The following CTNNA3 variants were observed in gnomAD, a reference collection of about 807,000 sequenced individuals.
CTNNA3 encodes the protein catenin alpha-3.
In CTNNA3, 76 loss-of-function variants were observed where a neutral mutation model predicts 95.7. The ratio of observed to expected loss-of-function variants is 0.79; its 90% CI spans 0.66 to 0.96. The LOEUF (loss-of-function observed/expected upper bound fraction) is 0.96. Among genes scored for constraint, CTNNA3 ranks in the 40% least tolerant of loss-of-function variants. CTNNA3 has a pLI of 0.00. For synonymous variants in CTNNA3, 431 were observed against 374.4 expected, an observed-to-expected ratio of 1.15 and a Z score of -1.74; for missense variants, 1,191 against 1,089.8, an observed-to-expected ratio of 1.09 and a Z score of -1.31.
chr10:65,920,064 A>G lies in CTNNA3; in HGVS notation c.*266T>C, dbSNP rs2077058114. ...TGGTAACGAATAGTAGATAATCTCT[A>G]TGATGGGAAACGCTGAATGACACGT... On this transcript the variant is annotated 3_prime_UTR_variant, in exon 18 of 18. Coordinates refer to ENST00000433211, the MANE Select transcript of CTNNA3 (RefSeq NM_013266.4). The G allele has an allele frequency of 2.1e-6, 1 of 469,062 alleles. No homozygotes were observed. The highest frequency in any genetic ancestry group is 2.6e-5 in the South Asian group (1 of 38,818). The allele number at this position is 469,062 out of a possible 1,614,324, so 29.1% of individuals were successfully genotyped here.
At chr10:66,994,181 A>C (rs1470211257) in intron 7 of CTNNA3, among the ~76,000 whole-genome samples, 1 of 152,178 alleles carries the variant, frequency 6.6e-6, no homozygotes, top group Non-Finnish European at 1.5e-5. Flanking sequence ...AAAACCAGTA[A>C]GTAATGTAAA....
At chr10:65,952,524 TA>T (rs1196719315) in intron 17 of CTNNA3, among the ~76,000 whole-genome samples, 2 of 151,994 alleles carry the variant, frequency 1.3e-5, no homozygotes, top group African/African-American at 4.8e-5. Flanking sequence ...TCTTTCTCTA[TA>T]AATATTCCAG....
At chr10:67,305,691 G>T (rs1395768878) in intron 5 of CTNNA3, among the ~76,000 whole-genome samples, 3 of 152,126 alleles carry the variant, frequency 2.0e-5, no homozygotes, top group Non-Finnish European at 4.4e-5. Flanking sequence ...AAGAAAAAAG[G>T]ATGAACCTGC....
chr10:67,287,041 A>G (rs567591179), intron 5 of CTNNA3, among the ~76,000 whole-genome samples: 1 of 152,166 alleles, frequency 6.6e-6, no homozygotes, highest in South Asian at 2.1e-4. Context: ...TGACTGGAAC[A>G]TGAAAAAACA....
At chr10:66,695,448 A>G (rs1199358618) in intron 9 of CTNNA3, among the ~76,000 whole-genome samples, 3 of 152,178 alleles carry the variant, frequency 2.0e-5, no homozygotes, top group Non-Finnish European at 2.9e-5. Flanking sequence ...TCCCAGGGAA[A>G]ATGAGAGGTT....
chr10:67,381,283 G>A (rs149667097), intron 5 of CTNNA3, among the ~76,000 whole-genome samples: 115 of 152,208 alleles, frequency 7.6e-4, no homozygotes, highest in African/African-American at 2.5e-3. Context: ...CTAAAACCCA[G>A]ACTTTCCTAA....
intron 7 of CTNNA3, among the ~76,000 whole-genome samples, chr10:66,961,477 C>A (rs746347120): frequency 1.1e-4 from 16 of 152,140 alleles, no homozygotes; most frequent in Non-Finnish European, 2.2e-4. Flanking sequence ...GATTTTCTTC[C>A]AACCTCACTG....
intron 13 of CTNNA3, among the ~76,000 whole-genome samples, chr10:66,199,805 A>ATAT (rs1564756586): frequency 7.0e-5 from 1 of 14,288 alleles, no homozygotes; most frequent in African/African-American, 3.9e-4. Context: ...ATATATATAT[A>ATAT]TTTTTTTTTT....
chr10:66,985,948 G>A (rs545254612), intron 7 of CTNNA3, among the ~76,000 whole-genome samples: 7 of 152,102 alleles, frequency 4.6e-5, no homozygotes, highest in Non-Finnish European at 1.0e-4. Context: ...GGATGGTCTC[G>A]ATCTCCTGAC....
At chr10:67,351,360 T>A (rs1842630460) in intron 5 of CTNNA3, among the ~76,000 whole-genome samples, 1 of 132,256 alleles carries the variant, frequency 7.6e-6, no homozygotes, top group Non-Finnish European at 1.7e-5. Context: ...TTACTGTATA[T>A]GAATTAAAAC....
chr10:66,064,058 T>TTATAAGAG (rs544648849), intron 15 of CTNNA3, among the ~76,000 whole-genome samples: 52 of 152,158 alleles, frequency 3.4e-4, no homozygotes, highest in African/African-American at 1.2e-3. Flanking sequence ...GAGGTTTAAT[T>TTATAAGAG]GACTCACAGT....
At chr10:67,590,389 C>T (rs912455103) in intron 3 of CTNNA3, among the ~76,000 whole-genome samples, 3 of 152,082 alleles carry the variant, frequency 2.0e-5, no homozygotes, top group African/African-American at 7.2e-5. Flanking sequence ...TATACACCAC[C>T]ACCACCAGAA....
chr10:67,491,572 T>C lies in CTNNA3; in HGVS notation c.579+30270A>G, dbSNP rs189482120. On this transcript the variant is annotated intron_variant, in intron 5 of 17. Coordinates refer to ENST00000433211, the MANE Select transcript of CTNNA3 (RefSeq NM_013266.4). ...AGCTGTAACAGTATATGCAAAGGCA[T>C]GAAGTCAGAAGAAATGTGATGTATT... is the stretch of plus-strand genomic sequence containing the variant. 3.2e-4 allele frequency among the ~76,000 whole-genome samples: 48 copies of C among 152,316 alleles called. No homozygotes were observed. In the East Asian group the frequency reaches 9.1e-3, roughly 29 times the overall value.
chr10:67,410,741 T>C (rs1845334897), intron 5 of CTNNA3, among the ~76,000 whole-genome samples: 1 of 151,802 alleles, frequency 6.6e-6, no homozygotes. Context: ...AATGAATCAG[T>C]ATTTCAAAGA....
At chr10:66,362,084 G>A (rs1173813223) in intron 12 of CTNNA3, among the ~76,000 whole-genome samples, 1 of 148,810 alleles carries the variant, frequency 6.7e-6, no homozygotes, top group Non-Finnish European at 1.5e-5. Context: ...ATATCACAGA[G>A]GTTCATACAC....
intron 6 of CTNNA3, among the ~76,000 whole-genome samples, chr10:67,204,947 C>G (rs1016880974): frequency 1.3e-5 from 2 of 152,084 alleles, no homozygotes; most frequent in Admixed American, 1.3e-4. Context: ...ATCTTAGGCT[C>G]GCTCTGTAAT....
At chr10:66,814,192 T>C (rs1323018229) in intron 7 of CTNNA3, among the ~76,000 whole-genome samples, 1 of 147,598 alleles carries the variant, frequency 6.8e-6, no homozygotes, top group African/African-American at 2.5e-5. Flanking sequence ...GAGGCAGTAA[T>C]AATTTAGGGA....
chr10:66,627,554 A>G (rs1844980782), intron 9 of CTNNA3, among the ~76,000 whole-genome samples: 1 of 152,168 alleles, frequency 6.6e-6, no homozygotes, highest in Non-Finnish European at 1.5e-5. Context: ...GTACTGAGCC[A>G]GAAACTTATA....
chr10:66,813,983 A>G (rs1282150099), intron 7 of CTNNA3, among the ~76,000 whole-genome samples: 2 of 152,118 alleles, frequency 1.3e-5, no homozygotes, highest in African/African-American at 2.4e-5. Flanking sequence ...ATTGGAGACA[A>G]AGATGTGTAG....
Sources: gnomAD v4.1 joint callset for allele counts (sites outside exome capture counted in the v4.1 genomes callset) on GRCh38, gnomAD v4.1.1 for gene constraint, MANE v1.5 for transcripts, NCBI Gene and HGNC (gene_info 2026-07-23, HGNC 2026-07-21) for gene names.